GRIN2B: variants seen among roughly 807,000 people sequenced by gnomAD.
GRIN2B encodes glutamate receptor ionotropic, NMDA 2B.
In GRIN2B, 5 loss-of-function variants were observed where a neutral mutation model predicts 114.5. The ratio of observed to expected loss-of-function variants is 0.04; its 90% CI spans 0.02 to 0.09. The LOEUF (loss-of-function observed/expected upper bound fraction) is 0.09, where lower values mean the gene tolerates loss of function less well. GRIN2B is among the 10% of genes least tolerant of loss of function. The pLI, the probability that GRIN2B is intolerant of heterozygous loss-of-function variation, is 1.00. For missense variants in GRIN2B, 1,108 were observed against 1,943.5 expected (o/e 0.57, Z 8.08); for synonymous variants, 787 against 745.1 (o/e 1.06, Z -0.92).
At chr12:13,870,465 G>T (rs1865887773) in intron 2 of GRIN2B, among the ~76,000 whole-genome samples, 1 of 152,046 alleles carries the variant, frequency 6.6e-6, no homozygotes, top group African/African-American at 2.4e-5. Context: ...GCTGGTAACT[G>T]GTACAGGGTA....
chr12:13,774,077 G>A (rs747420722), intron 3 of GRIN2B, among the ~76,000 whole-genome samples: 1 of 152,158 alleles, frequency 6.6e-6, no homozygotes, highest in Admixed American at 6.5e-5. Flanking sequence ...TAAACTCCTA[G>A]TGCTCTTGAA....
chr12:13,670,331 C>T (rs866420676), intron 5 of GRIN2B: 1 of 152,106 alleles, frequency 6.6e-6, no homozygotes, highest in Non-Finnish European at 1.5e-5. Flanking sequence ...ATAAAACACC[C>T]TCTTGTCTCT....
rs558285518 is a variant in GRIN2B, at chr12:13,557,844, G to C, written c.*4939C>G. The C allele has an allele frequency of 6.6e-6, 1 of 152,198 alleles. No homozygotes were observed. Among genetic ancestry groups the C allele is most frequent in the Admixed American group, 6.5e-5 (1 of 15,286 alleles). The allele number at this position is 152,198 out of a possible 1,614,324, so 9.4% of individuals were successfully genotyped here. A position where few individuals can be genotyped will look rare whatever the true frequency, so the allele number is the denominator to read the frequency against. ...GTGAGATTCCTAATGTAAATTAGGT[G>C]ATTAAATGTATACATCCCTAATATG... On this transcript the variant is annotated 3_prime_UTR_variant, in exon 14 of 14. Transcript: ENST00000609686.
intron 5 of GRIN2B, among the ~76,000 whole-genome samples, chr12:13,660,877 A>T (rs1478468396): frequency 6.6e-6 from 1 of 152,122 alleles, no homozygotes; most frequent in Admixed American, 6.6e-5. Context: ...CTTCAACCTC[A>T]TCTTTTCTTG....
At chr12:13,715,588 T>C (rs531550552) in intron 4 of GRIN2B, among the ~76,000 whole-genome samples, 9 of 151,988 alleles carry the variant, frequency 5.9e-5, no homozygotes, top group East Asian at 1.9e-4. Flanking sequence ...AGTGAATAAA[T>C]GGCTCATTGA....
At chr12:13,657,345 GA>G (rs1949875913) in intron 5 of GRIN2B, among the ~76,000 whole-genome samples, 1 of 152,140 alleles carries the variant, frequency 6.6e-6, no homozygotes, top group Non-Finnish European at 1.5e-5. Flanking sequence ...CCTTCATGAA[GA>G]AGGGCCCAGG....
intron 4 of GRIN2B, among the ~76,000 whole-genome samples, chr12:13,692,572 C>T (rs1256958472): frequency 2.0e-5 from 3 of 151,600 alleles, no homozygotes; most frequent in Non-Finnish European, 4.4e-5. Context: ...GGTGAACTGC[C>T]GTGTCTACAT....
chr12:13,608,839 T>C lies in GRIN2B; in HGVS notation c.1781-7A>G. 1.2e-6 allele frequency: 2 copies of C among 1,606,670 alleles called. No homozygotes were observed. The highest frequency in any genetic ancestry group is 1.7e-6 in the Non-Finnish European group (2 of 1,173,344). Reference sequence around the variant, plus strand: ...AAAGAGGGTCCACCAGGCTCTGGCATGACAAAAAGACAAGGACGAAAGTTA... The same window carrying C: ...AAAGAGGGTCCACCAGGCTCTGGCACGACAAAAAGACAAGGACGAAAGTTA... On this transcript the variant is annotated splice_region_variant and splice_polypyrimidine_tract_variant and intron_variant, in intron 9 of 13. Transcript: ENST00000609686.
intron 3 of GRIN2B, among the ~76,000 whole-genome samples, chr12:13,798,200 C>T (rs899346162): frequency 6.6e-6 from 1 of 151,942 alleles, no homozygotes; most frequent in Non-Finnish European, 1.5e-5. Flanking sequence ...TACTAAAATA[C>T]TAAAATGTTT....
At chr12:13,598,953 G>A (rs1949113165) in intron 10 of GRIN2B, among the ~76,000 whole-genome samples, 1 of 152,160 alleles carries the variant, frequency 6.6e-6, no homozygotes, top group African/African-American at 2.4e-5. Context: ...CTTCCTCCTG[G>A]AGTGATGGCT....
chr12:13,563,342 C>A lies in GRIN2B; in HGVS notation c.3896G>T (p.Arg1299Leu), dbSNP rs767709649. 3 of 1,614,150 alleles carry A rather than the reference C, an allele frequency of 1.9e-6. No homozygotes were observed. The highest frequency in any genetic ancestry group is 2.2e-5 in the South Asian group (2 of 91,082). The change falls in exon 14 of 14, where the codon CGC (arginine) becomes CTC (leucine). Residue 1299 changes from arginine (R) to leucine (L), a missense_variant. By Grantham distance (102) the Arg-to-Leu change is moderately radical. This residue lies in a region of GRIN2B where 478 missense variants were observed against 506.0 expected (regional missense o/e 0.94). Transcript: ENST00000609686. ...KAQKKNRNKL[R>L]RQHSYDTFVD... ...GAAGGTGTCGTAGGAGTGCTGCCGG[C>A]GCAGTTTGTTCCGGTTCTTCTTCTG...
rs1014204813 is a variant in GRIN2B, at chr12:13,548,701, G to A, written c.*14082C>T. On this transcript the variant is annotated 3_prime_UTR_variant, in exon 14 of 14. Transcript: ENST00000609686. ...CTCTCTTAGCTTACTATGATAACAC[G>A]ATTTTATGTGAATTATTGGGAGGCA... 1 of 151,830 alleles carries A rather than the reference G, an allele frequency of 6.6e-6. No individual in the cohort carries two copies. Among genetic ancestry groups the A allele is most frequent in the Non-Finnish European group, 1.5e-5 (1 of 67,980 alleles). The allele number at this position is 151,830 out of a possible 1,614,324, so 9.4% of individuals were successfully genotyped here.
At chr12:13,966,353 C>T (rs1198455310) in intron 2 of GRIN2B, among the ~76,000 whole-genome samples, 2 of 152,058 alleles carry the variant, frequency 1.3e-5, no homozygotes, top group East Asian at 1.9e-4. Context: ...CATTGAAAAC[C>T]TTCCTTTTCT....
In GRIN2B at chr12:13,762,742, T is replaced by C. The variant is rs1212963159; in HGVS notation, c.412-8827A>G. On this transcript the variant is annotated intron_variant, in intron 3 of 13. Coordinates refer to ENST00000609686, the MANE Select transcript of GRIN2B (RefSeq NM_000834.5). ...GGAAACAAAGGGCTCTTTGCCCTTC[T>C]GTCCCAGCTCCATATGGAGTGAGAG... 2.0e-5 allele frequency among the ~76,000 whole-genome samples: 3 copies of C among 152,228 alleles called. No individual in the cohort carries two copies. In the East Asian group the frequency reaches 5.8e-4, roughly 29 times the overall value.
chr12:13,932,954 TG>T (rs1867061429), intron 2 of GRIN2B, among the ~76,000 whole-genome samples: 4 of 23,116 alleles, frequency 1.7e-4, no homozygotes, highest in African/African-American at 4.5e-4. Context: ...GGCTTTGTCG[TG>T]TGTGTGTGTG....
chr12:13,751,890 T>C (rs1863490002), intron 4 of GRIN2B, among the ~76,000 whole-genome samples: 2 of 152,026 alleles, frequency 1.3e-5, no homozygotes, highest in Admixed American at 6.6e-5. Context: ...AACAGGAGTG[T>C]GCTAAGGAGC....
chr12:13,697,426 C>A (rs947406218), intron 4 of GRIN2B, among the ~76,000 whole-genome samples: 1 of 152,188 alleles, frequency 6.6e-6, no homozygotes, highest in African/African-American at 2.4e-5. Context: ...TGTCACCCTA[C>A]TAGCTTTTGG....
chr12:13,632,769 T>C lies in GRIN2B; in HGVS notation c.1126-16112A>G, dbSNP rs149315732. On this transcript the variant is annotated intron_variant, in intron 5 of 13. Coordinates refer to ENST00000609686, the MANE Select transcript of GRIN2B (RefSeq NM_000834.5). ...GAGGGAGGGTGTGCAGGTAGACTGG[T>C]AGATCTGGAAGTGACCTAGAAAACG... Among the ~76,000 whole-genome samples the C allele has an allele frequency of 1.8e-4, 27 of 152,268 alleles. No homozygotes were observed. The East Asian group carries it at 5.0e-3, about 28-fold the overall frequency.
intron 3 of GRIN2B, among the ~76,000 whole-genome samples, chr12:13,776,574 T>C (rs1320301371): frequency 6.6e-6 from 1 of 152,148 alleles, no homozygotes; most frequent in Non-Finnish European, 1.5e-5. Context: ...CAAATTAATA[T>C]AATCTTACAC....
Sources: gnomAD v4.1 joint callset for allele counts (sites outside exome capture counted in the v4.1 genomes callset) on GRCh38, gnomAD v4.1.1 for gene constraint, gnomAD v4.1.1 regional missense constraint, MANE v1.5 for transcripts, NCBI Gene and HGNC (gene_info 2026-07-23, HGNC 2026-07-21) for gene names.